Variants in CSMD2 observed in about 807,000 individuals in gnomAD.
CSMD2 encodes CUB and Sushi multiple domains 2.
In CSMD2, 130 loss-of-function variants were observed where a neutral mutation model predicts 398.5. The ratio of observed to expected loss-of-function variants is 0.33; its 90% CI spans 0.28 to 0.38. CSMD2 has a LOEUF of 0.38. Ranked by LOEUF, CSMD2 falls within the 10% of genes least tolerant of loss-of-function variation. The pLI, the probability that CSMD2 is intolerant of heterozygous loss-of-function variation, is 1.00. For synonymous variants in CSMD2, 1,828 were observed against 1,908.5 expected (o/e 0.96, Z 1.10); for missense variants, 3,829 against 4,764.9 (o/e 0.80, Z 5.78).
At position 33,712,476 on chromosome 1, in the gene CSMD2, A is replaced by G. The variant is rs375492644; in HGVS notation, c.3406+2111T>C. Among the ~76,000 whole-genome samples the G allele has an allele frequency of 2.3e-4, 35 of 152,394 alleles. No individual in the cohort carries two copies. The East Asian group carries it at 5.6e-3, about 24-fold the overall frequency. On this transcript the variant is annotated intron_variant, in intron 21 of 70. Coordinates refer to ENST00000373381, the MANE Select transcript of CSMD2 (RefSeq NM_001281956.2). ...CGGTGGGCATTCCTGAGATGCCTCC[A>G]GCCTGAGCCTCGGCAGCAGGGCTGG...
Position 33,951,113 on chromosome 1 carries a change from C to T in CSMD2, c.518-15159G>A, listed in dbSNP as rs1644995009. 2.0e-5 allele frequency among the ~76,000 whole-genome samples: 3 copies of T among 152,342 alleles called. No homozygotes were observed. The South Asian group carries it at 6.2e-4, about 32-fold the overall frequency. ...TGACTGACATTGGCCAAGTCTCCAA[C>T]CTTCCACCCTCTTTTCCCAGGCCAG... On this transcript the variant is annotated intron_variant, in intron 3 of 70. Transcript: ENST00000373381.
intron 5 of CSMD2, among the ~76,000 whole-genome samples, chr1:33,858,990 G>C (rs1639294989): frequency 6.6e-6 from 1 of 152,118 alleles, no homozygotes; most frequent in African/African-American, 2.4e-5. Flanking sequence ...TCAACAAATT[G>C]AATATGCCGT....
intron 3 of CSMD2, among the ~76,000 whole-genome samples, chr1:33,972,919 T>C (rs1328599276): frequency 9.3e-6 from 1 of 107,714 alleles, no homozygotes; most frequent in Non-Finnish European, 1.8e-5. Context: ...AGCAGCAGGA[T>C]GAGCCTTCAC....
rs1009053335 is a variant in CSMD2, at chr1:33,635,847, T to C, written c.4969+513A>G. ...GGGGCGGGTCTGAGCCTGCCTCTCTTACCATGACAAAGGGGGTATGCTTGG... is the reference window on the plus strand; with the variant it reads ...GGGGCGGGTCTGAGCCTGCCTCTCTCACCATGACAAAGGGGGTATGCTTGG... On this transcript the variant is annotated intron_variant, in intron 30 of 70. Coordinates refer to ENST00000373381, the MANE Select transcript of CSMD2 (RefSeq NM_001281956.2). The surrounding 1 kb of genome is among the most constrained non-coding windows in gnomAD (Gnocchi z 5.0). Among the ~76,000 whole-genome samples the C allele has an allele frequency of 2.0e-5, 3 of 152,056 alleles. No individual in the cohort carries two copies. Among genetic ancestry groups the C allele is most frequent in the Admixed American group, 2.0e-4 (3 of 15,276 alleles).
chr1:33,619,664 A>T (rs1353155733), intron 37 of CSMD2, among the ~76,000 whole-genome samples: 1 of 152,236 alleles, frequency 6.6e-6, no homozygotes, highest in Non-Finnish European at 1.5e-5. Flanking sequence ...AAACCACAGA[A>T]CGTTGCTATC....
chr1:33,572,450 T>G, intron 50 of CSMD2, 56 bp downstream of exon 50: 2 of 1,425,722 alleles, frequency 1.4e-6, no homozygotes, highest in South Asian at 3.2e-5. Context: ...GCAGGAATCT[T>G]TCCAGCTGCC....
intron 1 of CSMD2, among the ~76,000 whole-genome samples, chr1:34,136,990 T>C (rs1315533107): frequency 6.6e-6 from 1 of 152,176 alleles, no homozygotes; most frequent in Non-Finnish European, 1.5e-5. Context: ...AGCCCATCTA[T>C]TCTTCCACTT....
At chr1:34,148,026 C>T (rs1237647145) in intron 1 of CSMD2, among the ~76,000 whole-genome samples, 7 of 151,948 alleles carry the variant, frequency 4.6e-5, no homozygotes, top group Non-Finnish European at 8.8e-5. Flanking sequence ...GAGGGGCCCA[C>T]AAGGGCTGGA....
chr1:34,090,500 A>T lies in CSMD2; in HGVS notation c.188-1307T>A, dbSNP rs1658432284. ...GGGCCAGGCCCATCACCCCTTTGGGATGCTCTCGATGTCCCCCCACCCACT... is the reference window on the plus strand; with the variant it reads ...GGGCCAGGCCCATCACCCCTTTGGGTTGCTCTCGATGTCCCCCCACCCACT... On this transcript the variant is annotated intron_variant, in intron 1 of 70. Transcript: ENST00000373381. 2.0e-5 allele frequency among the ~76,000 whole-genome samples: 3 copies of T among 151,912 alleles called. No individual in the cohort carries two copies. In the South Asian group the frequency reaches 6.3e-4, roughly 32 times the overall value.
rs7536044 is a variant in CSMD2 at position 33,835,516 on chromosome 1, G to A, written c.1034-9742C>T. Among the ~76,000 whole-genome samples, 6 of 54,828 alleles carry A rather than the reference G, an allele frequency of 1.1e-4. 2 individuals carry two copies. Among genetic ancestry groups the A allele is most frequent in the African/African-American group, 7.7e-4 (6 of 7,794 alleles). The allele number at this position is 54,828 out of a possible 152,430, so 36.0% of individuals were successfully genotyped here. On this transcript the variant is annotated intron_variant, in intron 6 of 70. Transcript: ENST00000373381. ...GGGGACTGTTGTGGGGTGGGGGTAG[G>A]GGGGAGGGATGGCATTGGGAGATAT...
At chr1:33,637,603 G>C (rs187212900) in intron 29 of CSMD2, among the ~76,000 whole-genome samples, 156 of 152,286 alleles carry the variant, frequency 1.0e-3, no homozygotes, top group Non-Finnish European at 1.2e-4. Context: ...CTTGTTCTAA[G>C]ATAACTGATG....
At chr1:33,716,253 T>C in intron 20 of CSMD2, 33 bp downstream of exon 20, 2 of 1,551,704 alleles carry the variant, frequency 1.3e-6, no homozygotes, top group South Asian at 1.1e-5. Flanking sequence ...AGCACCATGG[T>C]CTCTTCCCCT....
At chr1:33,799,322 G>T (rs1006078490) in intron 10 of CSMD2, among the ~76,000 whole-genome samples, 1 of 152,210 alleles carries the variant, frequency 6.6e-6, no homozygotes, top group African/African-American at 2.4e-5. Flanking sequence ...CTTCCCTAGA[G>T]CAATGGTTTT....
intron 26 of CSMD2, among the ~76,000 whole-genome samples, chr1:33,660,859 C>T (rs1017451787): frequency 1.1e-4 from 16 of 152,310 alleles, no homozygotes; most frequent in Admixed American, 5.2e-4. Flanking sequence ...CATGGCATGA[C>T]CCTGTCTTCT....
intron 40 of CSMD2, among the ~76,000 whole-genome samples, chr1:33,612,218 G>T (rs1343770950): frequency 6.6e-6 from 1 of 152,212 alleles, no homozygotes; most frequent in Admixed American, 6.5e-5. Context: ...TGAGATTATA[G>T]ATGGATTTTC....
At position 33,789,733 on chromosome 1, in the gene CSMD2, A is replaced by G. The variant is rs144389326; in HGVS notation, c.1551-1021T>C. ...TATGGAAGTGGAGCTCGGATAGAGC[A>G]CATGGGATCCAACAGCCTGGCCTGT... is the stretch of plus-strand genomic sequence containing the variant. On this transcript the variant is annotated intron_variant, in intron 11 of 70. Coordinates refer to ENST00000373381, the MANE Select transcript of CSMD2 (RefSeq NM_001281956.2). 7.3e-3 allele frequency among the ~76,000 whole-genome samples: 1,114 copies of G among 152,334 alleles called. 16 individuals are homozygous for G. The highest frequency in any genetic ancestry group is 0.025 in the African/African-American group (1,053 of 41,572).
chr1:33,572,197 T>C lies in CSMD2; in HGVS notation c.7762+309A>G, dbSNP rs529303452. Among the ~76,000 whole-genome samples, 34 of 152,298 alleles carry C rather than the reference T, an allele frequency of 2.2e-4. No individual in the cohort carries two copies. In the South Asian group the frequency reaches 6.6e-3, roughly 30 times the overall value. ...TTGTGATCTGGCCTAAAAGTTGTTG[T>C]TTTTAGAGCTTTGGAATCAAGGGAC... On this transcript the variant is annotated intron_variant, in intron 50 of 70. Coordinates refer to ENST00000373381, the MANE Select transcript of CSMD2 (RefSeq NM_001281956.2).
intron 10 of CSMD2, among the ~76,000 whole-genome samples, chr1:33,803,629 C>T (rs1387805353): frequency 6.6e-6 from 1 of 152,188 alleles, no homozygotes; most frequent in Non-Finnish European, 1.5e-5. Flanking sequence ...GCTCCCACAT[C>T]CAATCAGCTA....
intron 20 of CSMD2, among the ~76,000 whole-genome samples, chr1:33,715,253 T>C (rs1464296261): frequency 1.3e-5 from 2 of 152,002 alleles, no homozygotes; most frequent in Non-Finnish European, 2.9e-5. Context: ...TTCTAGAAGG[T>C]CAGAATACAT....
Sources: gnomAD v4.1 joint callset for allele counts (sites outside exome capture counted in the v4.1 genomes callset) on GRCh38, gnomAD v4.1.1 for gene constraint, Gnocchi (gnomAD v3.1) non-coding constraint, MANE v1.5 for transcripts, NCBI Gene and HGNC (gene_info 2026-07-23, HGNC 2026-07-21) for gene names.